Variants in GPAT4 observed in about 807,000 individuals in gnomAD.
The protein encoded by GPAT4 is 1-AGP acyltransferase 6.
In GPAT4, 17 loss-of-function variants were observed where a neutral mutation model predicts 58.0. That is an observed-to-expected ratio of 0.29 (90% CI 0.20 to 0.44). The LOEUF (loss-of-function observed/expected upper bound fraction) is 0.44, where lower values mean the gene tolerates loss of function less well. Among genes scored for constraint, GPAT4 ranks in the 20% least tolerant of loss-of-function variants. The pLI is 1.00. For synonymous variants in GPAT4, 204 were observed against 210.1 expected (o/e 0.97, Z 0.25); for missense variants, 377 against 574.5 (o/e 0.66, Z 3.51).
At chr8:41,585,546 T>C (rs1802630290) in intron 1 of GPAT4, among the ~76,000 whole-genome samples, 2 of 152,218 alleles carry the variant, frequency 1.3e-5, no homozygotes, top group Non-Finnish European at 2.9e-5. Context: ...TAGTAGAAGC[T>C]TCTATTTATA....
chr8:41,618,679 T>C lies in GPAT4; in HGVS notation c.1054-5T>C, dbSNP rs747385512. 8.7e-6 allele frequency: 14 copies of C among 1,613,842 alleles called. No individual in the cohort carries two copies. Among genetic ancestry groups the C allele is most frequent in the Admixed American group, 1.7e-5 (1 of 60,004 alleles). On this transcript the variant is annotated splice_polypyrimidine_tract_variant and splice_region_variant and intron_variant, in intron 10 of 12. Transcript: ENST00000396987. ...GTCTTACCTCCAGCTTTCCATTGTT[T>C]TCAGTATGACCCTCAATTTGGCGAT...
intron 10 of GPAT4, among the ~76,000 whole-genome samples, chr8:41,617,609 CTT>C (rs1409418291): frequency 1.3e-5 from 2 of 152,182 alleles, no homozygotes; most frequent in African/African-American, 4.8e-5. Flanking sequence ...GATCATAAAA[CTT>C]AGGCTGGAAA....
At chr8:41,599,482 T>C (rs908143183) in intron 2 of GPAT4, among the ~76,000 whole-genome samples, 178 bp downstream of exon 2, 2 of 152,230 alleles carry the variant, frequency 1.3e-5, no homozygotes, top group African/African-American at 4.8e-5. Context: ...GGTACTTGTG[T>C]GTTTGATTTA....
intron 1 of GPAT4, among the ~76,000 whole-genome samples, chr8:41,590,524 A>G (rs1048068208): frequency 6.6e-6 from 1 of 152,120 alleles, no homozygotes; most frequent in Non-Finnish European, 1.5e-5. Context: ...AATCTTCCCA[A>G]CCTCAGTGTC....
chr8:41,619,083 G>C, intron 12 of GPAT4, 106 bp downstream of exon 12: 1 of 1,355,630 alleles, frequency 7.4e-7, no homozygotes, highest in Non-Finnish European at 1.0e-6. Flanking sequence ...AAACTTGTCA[G>C]CTCTAGAGAG....
At chr8:41,619,121 C>A in intron 12 of GPAT4, 144 bp downstream of exon 12, 1 of 954,402 alleles carries the variant, frequency 1.0e-6, no homozygotes, top group Non-Finnish European at 1.6e-6. Context: ...CGAATTCCAA[C>A]CCAGAAGTGC....
At chr8:41,605,570 G>A in intron 2 of GPAT4, among the ~76,000 whole-genome samples, 1 of 127,180 alleles carries the variant, frequency 7.9e-6, no homozygotes, top group Non-Finnish European at 1.8e-5. Context: ...TTGTTTGTTT[G>A]TTTGTTTGTT....
At chr8:41,615,924 C>T (rs981312948) in intron 10 of GPAT4, among the ~76,000 whole-genome samples, 3 of 152,222 alleles carry the variant, frequency 2.0e-5, no homozygotes, top group Admixed American at 6.5e-5. Context: ...GGCCGATGCT[C>T]ACCAGCCACT....
At chr8:41,582,674 A>AGTGT (rs34365074) in intron 1 of GPAT4, among the ~76,000 whole-genome samples, 11,628 of 142,512 alleles carry the variant, frequency 0.082, 481 homozygotes, top group Middle Eastern at 0.15. Context: ...AGAGAGAGAG[A>AGTGT]GTGTGTGTGT....
At position 41,607,982 on chromosome 8, in the gene GPAT4, G is replaced by A. The variant is rs187849692; in HGVS notation, c.166-1434G>A. ...CTTTTCACCTCTTCTCTAGTTCCAG[G>A]AAACCAGATGAGATTTACCTTCCTC... On this transcript the variant is annotated intron_variant, in intron 2 of 12. Coordinates refer to ENST00000396987, the MANE Select transcript of GPAT4 (RefSeq NM_178819.4). 8.7e-4 allele frequency among the ~76,000 whole-genome samples: 132 copies of A among 152,274 alleles called. 1 individual carries two copies. Among genetic ancestry groups the A allele is most frequent in the South Asian group, 6.0e-3 (29 of 4,826 alleles).
intron 1 of GPAT4, among the ~76,000 whole-genome samples, chr8:41,592,206 A>G (rs536346012): frequency 2.1e-4 from 32 of 152,328 alleles, no homozygotes; most frequent in Non-Finnish European, 2.6e-4. Flanking sequence ...AATAGTGCCA[A>G]TAACACAACT....
chr8:41,579,925 C>T lies in GPAT4; in HGVS notation c.-849+1647C>T, dbSNP rs1223636043. On this transcript the variant is annotated intron_variant, in intron 1 of 12. Coordinates refer to ENST00000396987, the MANE Select transcript of GPAT4 (RefSeq NM_178819.4). ...TCAATGTTTTCATTTTTTTCTGAGC[C>T]CTTGGAGGTCCAGAGAAGTTCAGTG... Among the ~76,000 whole-genome samples the T allele has an allele frequency of 3.3e-5, 5 of 151,972 alleles. No individual in the cohort carries two copies. In the East Asian group the frequency reaches 9.6e-4, roughly 29 times the overall value.
chr8:41,609,142 G>A (rs77831031), intron 2 of GPAT4, among the ~76,000 whole-genome samples: 5 of 152,236 alleles, frequency 3.3e-5, no homozygotes, highest in Non-Finnish European at 5.9e-5. Flanking sequence ...GAGACAGAGA[G>A]ACGTAGGCAG....
intron 1 of GPAT4, among the ~76,000 whole-genome samples, chr8:41,583,456 T>A (rs11781254): frequency 0.54 from 82,169 of 151,726 alleles, 22,874 homozygotes; most frequent in Middle Eastern, 0.68. Context: ...TAAATTTTTT[T>A]AAAAAAATTG....
Position 41,612,888 on chromosome 8 carries a change from C to T in GPAT4, c.839C>T (p.Ala280Val), listed in dbSNP as rs765318607. The change falls in exon 8 of 13, where the codon GCC becomes GTC. Residue 280 changes from alanine (A) to valine (V), a missense_variant. By Grantham distance (64) the Ala-to-Val change is moderately conservative (BLOSUM62 0). Transcript: ENST00000396987. ...GGACTCATGGGTGTGATTCAGAGAG[C>T]CATGGTGAAGGCCTGCCCACACGTC... Reference protein sequence around the residue: ...HGGLMGVIQRAMVKACPHVWF... With the variant: ...HGGLMGVIQRVMVKACPHVWF... 6 of 1,614,014 alleles carry T rather than the reference C, an allele frequency of 3.7e-6. No homozygotes were observed. Among genetic ancestry groups the T allele is most frequent in the Non-Finnish European group, 4.2e-6 (5 of 1,180,004 alleles).
chr8:41,609,597 G>C, intron 3 of GPAT4, 58 bp from the exon 4 acceptor site: 1 of 1,604,092 alleles, frequency 6.2e-7, no homozygotes, highest in Non-Finnish European at 8.5e-7. Flanking sequence ...TGTGCTCTGA[G>C]TATGTCTCAC....
intron 2 of GPAT4, among the ~76,000 whole-genome samples, chr8:41,601,923 T>G (rs927224359): frequency 6.6e-6 from 1 of 151,672 alleles, no homozygotes; most frequent in Non-Finnish European, 1.5e-5. Flanking sequence ...TGAAGCCACA[T>G]CTTGAAAATT....
At chr8:41,616,299 C>G (rs1266795175) in intron 10 of GPAT4, among the ~76,000 whole-genome samples, 1 of 152,108 alleles carries the variant, frequency 6.6e-6, no homozygotes, top group Non-Finnish European at 1.5e-5. Flanking sequence ...TCTGAACTTC[C>G]TATTCTTTTT....
At chr8:41,613,873 A>T (rs1376777686) in intron 8 of GPAT4, among the ~76,000 whole-genome samples, 3 of 151,782 alleles carry the variant, frequency 2.0e-5, no homozygotes, top group Non-Finnish European at 4.4e-5. Flanking sequence ...CTATGATTGC[A>T]CCACCGCATT....
Sources: allele counts gnomAD v4.1 joint callset (sites outside exome capture counted in the v4.1 genomes callset), GRCh38; gene constraint gnomAD v4.1.1; transcripts MANE v1.5; gene names NCBI Gene and HGNC (gene_info 2026-07-23, HGNC 2026-07-21).